The following PLPP4 variants were observed in gnomAD, a reference collection of about 807,000 sequenced individuals.
The protein encoded by PLPP4 is phospholipid phosphatase 4, also known as diacylglycerol pyrophosphate like 2.
Under a neutral mutation model 32.2 loss-of-function variants are expected in PLPP4, and 20 were observed. That is an observed-to-expected ratio of 0.62 (90% CI 0.44 to 0.90). PLPP4 has a LOEUF of 0.90. Among genes scored for constraint, PLPP4 ranks in the 40% least tolerant of loss-of-function variants. The pLI is 0.00. For missense variants in PLPP4, 257 were observed against 353.1 expected (o/e 0.73, Z 2.18); for synonymous variants, 127 against 133.0 (o/e 0.95, Z 0.31).
intron 3 of PLPP4, among the ~76,000 whole-genome samples, chr10:120,515,092 A>C (rs1767809771): frequency 6.6e-6 from 1 of 152,202 alleles, no homozygotes; most frequent in African/African-American, 2.4e-5. Context: ...CTATATAACC[A>C]GGCTCCTGTT....
rs374042093 is a variant in PLPP4, at chr10:120,458,264, C to T, written c.56+903C>T. ...CCTAGGCACCCACACCTGCACTGGT[C>T]CCTCCATCAGTGAGCCAAATTCTCT... On this transcript the variant is annotated intron_variant, in intron 1 of 6. Coordinates refer to ENST00000398250, the MANE Select transcript of PLPP4 (RefSeq NM_001030059.3). Among the ~76,000 whole-genome samples, 267 of 152,322 alleles carry T rather than the reference C, an allele frequency of 1.8e-3. 1 individual carries two copies. The highest frequency in any genetic ancestry group is 3.9e-3 in the South Asian group (19 of 4,828).
At chr10:120,581,046 C>T in intron 6 of PLPP4, 2 of 1,287,064 alleles carry the variant, frequency 1.6e-6, no homozygotes, top group South Asian at 1.2e-5. Flanking sequence ...AGCCTCAGCC[C>T]CTGGCTCACC....
chr10:120,572,973 G>T (rs1400622058), intron 5 of PLPP4, among the ~76,000 whole-genome samples: 3 of 151,802 alleles, frequency 2.0e-5, no homozygotes, highest in Non-Finnish European at 4.4e-5. Flanking sequence ...ATATCTATTG[G>T]CACGGCTCTG....
chr10:120,524,661 CA>C (rs1015852417), intron 5 of PLPP4, among the ~76,000 whole-genome samples: 89 of 152,306 alleles, frequency 5.8e-4, no homozygotes, highest in African/African-American at 2.0e-3. Context: ...AAACTCTCAG[CA>C]AACAGCATTT....
At chr10:120,584,843 AG>A (rs35966081) in intron 6 of PLPP4, among the ~76,000 whole-genome samples, 10,635 of 152,278 alleles carry the variant, frequency 0.07, 613 homozygotes, top group African/African-American at 0.16. Flanking sequence ...TACTTCTCAT[AG>A]ACTCCCATAG....
chr10:120,556,524 T>C (rs1312069042), intron 5 of PLPP4, among the ~76,000 whole-genome samples: 3 of 152,220 alleles, frequency 2.0e-5, no homozygotes, highest in Non-Finnish European at 2.9e-5. Flanking sequence ...TCATTCATGA[T>C]AGAAGAAATG....
At chr10:120,481,766 T>C (rs1022792591) in intron 1 of PLPP4, among the ~76,000 whole-genome samples, 2 of 152,204 alleles carry the variant, frequency 1.3e-5, no homozygotes, top group African/African-American at 4.8e-5. Context: ...TGCTGCCATT[T>C]AGCAACTGAT....
At chr10:120,497,431 A>C (rs1845021362) in intron 1 of PLPP4, among the ~76,000 whole-genome samples, 2 of 151,974 alleles carry the variant, frequency 1.3e-5, no homozygotes, top group Admixed American at 1.3e-4. Context: ...ATGTGTGTGC[A>C]CACACAAGTG....
At chr10:120,502,182 C>T (rs1019536069) in intron 1 of PLPP4, among the ~76,000 whole-genome samples, 3 of 152,200 alleles carry the variant, frequency 2.0e-5, no homozygotes, top group African/African-American at 7.2e-5. Flanking sequence ...GGAGTCCATT[C>T]AGTCATCTGG....
At chr10:120,488,118 G>A in intron 1 of PLPP4, among the ~76,000 whole-genome samples, 1 of 152,196 alleles carries the variant, frequency 6.6e-6, no homozygotes, top group Non-Finnish European at 1.5e-5. Context: ...GGGCCTGGAT[G>A]GAGGGAAGAG....
chr10:120,583,172 G>A (rs1849599052), intron 6 of PLPP4, among the ~76,000 whole-genome samples: 1 of 151,878 alleles, frequency 6.6e-6, no homozygotes, highest in African/African-American at 2.4e-5. Context: ...CTTGGTGACA[G>A]AAGGGATGAT....
Position 120,477,944 on chromosome 10 carries a change from T to A in PLPP4, c.56+20583T>A, listed in dbSNP as rs1168940314. Among the ~76,000 whole-genome samples, 4 of 151,954 alleles carry A rather than the reference T, an allele frequency of 2.6e-5. No homozygotes were observed. In the South Asian group the frequency reaches 8.3e-4, roughly 32 times the overall value. On this transcript the variant is annotated intron_variant, in intron 1 of 6. Coordinates refer to ENST00000398250, the MANE Select transcript of PLPP4 (RefSeq NM_001030059.3). ...CATGCAGAGAATCTTAGAGGACAAG[T>A]TGAGGAGGGCATGAGTCACTCAAGG...
intron 5 of PLPP4, among the ~76,000 whole-genome samples, chr10:120,551,880 A>G (rs1416230237): frequency 2.0e-5 from 3 of 152,162 alleles, no homozygotes; most frequent in Admixed American, 6.5e-5. Flanking sequence ...TCAGGTTTAT[A>G]TAAAGTGGAG....
At chr10:120,582,796 TC>T (rs1849578975) in intron 6 of PLPP4, among the ~76,000 whole-genome samples, 1 of 53,160 alleles carries the variant, frequency 1.9e-5, no homozygotes, top group East Asian at 6.4e-4. Context: ...CCTCCCTCCC[TC>T]CCTCCCTTCC....
At position 120,518,869 on chromosome 10, in the gene PLPP4, CA is replaced by C. The variant is rs767196699; in HGVS notation, c.296del (p.Asn99ThrfsTer5). On this transcript the variant is annotated frameshift_variant, in exon 4 of 7. Transcript: ENST00000398250. LOFTEE classifies it high-confidence loss of function. ...GCTCTTGCTTTGAATGGAGTCTGCA[CA>C]AACACTATTAAATTAATAGTGGGAA... Reference protein sequence around the residue: ...SLALALNGVCTNTIKLIVGRP... With the variant: ...SLALALNGVCXNTIKLIVGRP... The C allele has an allele frequency of 4.3e-6, 7 of 1,612,552 alleles. No individual in the cohort carries two copies. The Admixed American group carries it at 1.0e-4, about 23-fold the overall frequency.
intron 5 of PLPP4, among the ~76,000 whole-genome samples, chr10:120,547,500 C>A (rs893312418): frequency 6.6e-6 from 1 of 152,108 alleles, no homozygotes; most frequent in Non-Finnish European, 1.5e-5. Context: ...ATTAATAAGT[C>A]AAGAAAGAGC....
rs183739791 is a variant in PLPP4 at position 120,517,816 on chromosome 10, T to C, written c.257-1017T>C. ...CTTTCTGCTCATAGAACAACACGTT[T>C]GTCTCTCTCGATGGGCCATGAATTG... On this transcript the variant is annotated intron_variant, in intron 3 of 6. Transcript: ENST00000398250. Among the ~76,000 whole-genome samples the C allele has an allele frequency of 1.8e-3, 268 of 152,370 alleles. 4 individuals carry two copies. The highest frequency in any genetic ancestry group is 1.5e-4 in the Non-Finnish European group (10 of 68,048).
chr10:120,566,490 G>T (rs1234266783), intron 5 of PLPP4, among the ~76,000 whole-genome samples: 1 of 151,992 alleles, frequency 6.6e-6, no homozygotes, highest in African/African-American at 2.4e-5. Flanking sequence ...ATGGAGACAG[G>T]CAGGTGTCCT....
At chr10:120,548,230 A>G (rs920534610) in intron 5 of PLPP4, among the ~76,000 whole-genome samples, 7 of 151,766 alleles carry the variant, frequency 4.6e-5, no homozygotes, top group African/African-American at 1.7e-4. Context: ...CCCTCCTCCC[A>G]CCCTTCACCC....
Sources: gnomAD v4.1 joint callset for allele counts (sites outside exome capture counted in the v4.1 genomes callset) on GRCh38, gnomAD v4.1.1 for gene constraint, MANE v1.5 for transcripts, NCBI Gene and HGNC (gene_info 2026-07-23, HGNC 2026-07-21) for gene names.